ITPR1: variants seen among roughly 807,000 people sequenced by gnomAD.
The protein encoded by ITPR1 is inositol 1,4,5-trisphosphate-gated calcium channel ITPR1.
In ITPR1, 96 loss-of-function variants were observed where a neutral mutation model predicts 318.4. That is an observed-to-expected ratio of 0.30 (90% CI 0.26 to 0.36). The LOEUF (loss-of-function observed/expected upper bound fraction) is 0.36. ITPR1 is among the 10% of genes least tolerant of loss of function. The pLI, the probability that ITPR1 is intolerant of heterozygous loss-of-function variation, is 1.00. For missense variants in ITPR1, 2,440 were observed against 3,460.2 expected, an observed-to-expected ratio of 0.71 and a Z score of 7.40; for synonymous variants, 1,312 against 1,289.9, an observed-to-expected ratio of 1.02 and a Z score of -0.37.
At chr3:4,581,935 AT>A (rs1048432368) in intron 4 of ITPR1, among the ~76,000 whole-genome samples, 2 of 147,328 alleles carry the variant, frequency 1.4e-5, no homozygotes, top group Non-Finnish European at 1.5e-5. Context: ...TGTGAGTTTT[AT>A]TTTTTTTTAG....
chr3:4,770,739 A>C (rs1322410864), intron 46 of ITPR1, among the ~76,000 whole-genome samples: 1 of 152,168 alleles, frequency 6.6e-6, no homozygotes, highest in Non-Finnish European at 1.5e-5. Context: ...CCTCAGCCCT[A>C]GATTTTCTTG....
At chr3:4,600,981 C>A (rs945222797) in intron 4 of ITPR1, among the ~76,000 whole-genome samples, 3 of 152,036 alleles carry the variant, frequency 2.0e-5, no homozygotes, top group Non-Finnish European at 4.4e-5. Context: ...TAAATTAATT[C>A]TTTTCAGAAA....
At chr3:4,745,064 C>CT (rs34111589) in intron 44 of ITPR1, among the ~76,000 whole-genome samples, 147,528 of 147,580 alleles carry the variant, frequency 1, 73,738 homozygotes, top group Middle Eastern at 1. Context: ...CTTTCTCTTT[C>CT]TGTGTTTTCT....
intron 4 of ITPR1, among the ~76,000 whole-genome samples, chr3:4,603,856 G>A (rs887338517): frequency 2.6e-5 from 4 of 152,138 alleles, no homozygotes; most frequent in South Asian, 2.1e-4. Context: ...TGGGTAATAC[G>A]CAGTAATGGC....
intron 10 of ITPR1, among the ~76,000 whole-genome samples, chr3:4,650,895 T>C (rs1039306977): frequency 1.3e-5 from 2 of 152,316 alleles, no homozygotes; most frequent in South Asian, 2.1e-4. Flanking sequence ...AATACAAGTT[T>C]GTTGAGTATG....
chr3:4,721,154 A>T (rs908796568), intron 40 of ITPR1, among the ~76,000 whole-genome samples: 1 of 116,488 alleles, frequency 8.6e-6, no homozygotes, highest in African/African-American at 3.4e-5. Flanking sequence ...GTCTGTGTGT[A>T]GATACGTGTG....
chr3:4,678,533 A>T (rs2094230843), intron 24 of ITPR1, among the ~76,000 whole-genome samples: 1 of 152,198 alleles, frequency 6.6e-6, no homozygotes, highest in South Asian at 2.1e-4. Context: ...GAATGCAAAA[A>T]TGATTCGAAC....
intron 44 of ITPR1, among the ~76,000 whole-genome samples, chr3:4,756,513 A>T (rs1008321502): frequency 2.0e-5 from 3 of 151,982 alleles, no homozygotes; most frequent in Non-Finnish European, 2.9e-5. Context: ...CTCAGTGTCT[A>T]TTGTTTCCTT....
intron 4 of ITPR1, among the ~76,000 whole-genome samples, chr3:4,556,477 C>T (rs1226422833): frequency 6.6e-6 from 1 of 151,882 alleles, no homozygotes; most frequent in Non-Finnish European, 1.5e-5. Context: ...TTCTTCCCTC[C>T]CCCCAACCCC....
chr3:4,806,383 AGAT>A, intron 55 of ITPR1, 116 bp downstream of exon 55: 3 of 1,023,176 alleles, frequency 2.9e-6, no homozygotes, highest in Non-Finnish European at 4.4e-6. Flanking sequence ...TGGTCCACCA[AGAT>A]TGAAGCTCCA....
At chr3:4,649,750 A>C (rs1416061650) in intron 10 of ITPR1, among the ~76,000 whole-genome samples, 3 of 152,210 alleles carry the variant, frequency 2.0e-5, no homozygotes, top group Non-Finnish European at 4.4e-5. Context: ...CTGGAAATCT[A>C]AGATCAAGGC....
intron 22 of ITPR1, 73 bp from the exon 23 acceptor site, chr3:4,674,995 G>T: frequency 1.3e-6 from 1 of 798,946 alleles, no homozygotes; most frequent in East Asian, 2.6e-5. Flanking sequence ...TTCTAAACTG[G>T]TCAACATCAA....
chr3:4,728,521 CA>C (rs2042684398), intron 42 of ITPR1, among the ~76,000 whole-genome samples: 2 of 152,280 alleles, frequency 1.3e-5, no homozygotes, highest in South Asian at 4.1e-4. Context: ...CACAGGCACA[CA>C]ATGTGAAATA....
At chr3:4,788,240 A>G (rs1244726479) in intron 52 of ITPR1, 101 bp downstream of exon 52, 4 of 934,950 alleles carry the variant, frequency 4.3e-6, no homozygotes, top group Non-Finnish European at 4.9e-6. Context: ...GAGCAAAGCT[A>G]GTATCATTTA....
In ITPR1 at chr3:4,710,211, T is replaced by C. The variant is rs2041250615; in HGVS notation, c.4843-114T>C. ...TTGAGATGCCAGACGGTACTAAAGT[T>C]ACTCTAACCTAGCCTACCCGTGCAT... On this transcript the variant is annotated intron_variant, in intron 37 of 61. Transcript: ENST00000649015. This position sits in a 1 kb window ranked among gnomAD's most constrained non-coding sequence, Gnocchi z 4.2. 3.1e-6 allele frequency: 3 copies of C among 980,624 alleles called. No individual in the cohort carries two copies. The highest frequency in any genetic ancestry group is 4.2e-6 in the Non-Finnish European group (3 of 715,202). 60.7% of individuals were successfully genotyped at this position (980,624 alleles called of 1,614,324 possible).
At chr3:4,502,060 A>G (rs1401624691) in intron 2 of ITPR1, among the ~76,000 whole-genome samples, 1 of 152,234 alleles carries the variant, frequency 6.6e-6, no homozygotes, top group Non-Finnish European at 1.5e-5. Flanking sequence ...ACAGCTTAAA[A>G]GCATCCCAAG....
chr3:4,697,092 T>C lies in ITPR1; in HGVS notation c.4282-55T>C, dbSNP rs1574908015. The stretch of plus-strand genomic sequence containing the variant: ...CTTGCTGTGAAGTTGAGGCAGCTAA[T>C]GAGTTCCATACACACCAAGATGGTT... On this transcript the variant is annotated intron_variant, in intron 33 of 61. Transcript: ENST00000649015. The C allele has an allele frequency of 5.1e-6, 8 of 1,559,936 alleles. No individual in the cohort carries two copies. In the East Asian group the frequency reaches 1.8e-4, roughly 35 times the overall value.
chr3:4,842,705 C>T (rs1333603208), intron 61 of ITPR1, among the ~76,000 whole-genome samples: 1 of 152,158 alleles, frequency 6.6e-6, no homozygotes, highest in Non-Finnish European at 1.5e-5. Context: ...TCACACTACT[C>T]AAAATAGATG....
chr3:4,705,107 A>T (rs1306321500), intron 36 of ITPR1, among the ~76,000 whole-genome samples: 1 of 152,148 alleles, frequency 6.6e-6, no homozygotes, highest in African/African-American at 2.4e-5. Context: ...TTGTTTTTAC[A>T]ATTAGATAGT....
Sources: allele counts gnomAD v4.1 joint callset (sites outside exome capture counted in the v4.1 genomes callset), GRCh38; gene constraint gnomAD v4.1.1; non-coding constraint Gnocchi (gnomAD v3.1); transcripts MANE v1.5; gene names NCBI Gene and HGNC (gene_info 2026-07-23, HGNC 2026-07-21).